The following ITPR1 variants were observed in gnomAD, a reference collection of about 807,000 sequenced individuals.
The protein encoded by ITPR1 is inositol 1,4,5-trisphosphate-gated calcium channel ITPR1.
Under a neutral mutation model 318.4 loss-of-function variants are expected in ITPR1, and 96 were observed. The observed-to-expected ratio is 0.30, with a 90% confidence interval of 0.26 to 0.36. ITPR1 has a LOEUF of 0.36. Ranked by LOEUF, ITPR1 falls within the 10% of genes least tolerant of loss-of-function variation. ITPR1 has a pLI of 1.00. For synonymous variants in ITPR1, 1,312 were observed against 1,289.9 expected (o/e 1.02, Z -0.37); for missense variants, 2,440 against 3,460.2 (o/e 0.71, Z 7.40).
chr3:4,799,308 T>C (rs1158346491), intron 53 of ITPR1, among the ~76,000 whole-genome samples: 1 of 152,262 alleles, frequency 6.6e-6, no homozygotes, highest in Non-Finnish European at 1.5e-5. Flanking sequence ...TGTGCACTTC[T>C]TGAATTTCTG....
chr3:4,621,547 A>G (rs2092634955), intron 4 of ITPR1, among the ~76,000 whole-genome samples: 1 of 152,206 alleles, frequency 6.6e-6, no homozygotes. Context: ...AATCACCAAT[A>G]TGAAAGCTCC....
intron 60 of ITPR1, among the ~76,000 whole-genome samples, chr3:4,828,415 G>A (rs1338024199): frequency 6.6e-6 from 1 of 152,206 alleles, no homozygotes; most frequent in South Asian, 2.1e-4. Context: ...GTGGGGAGAA[G>A]GGTGAGTGAG....
At chr3:4,575,515 C>T (rs569229236) in intron 4 of ITPR1, among the ~76,000 whole-genome samples, 1 of 152,272 alleles carries the variant, frequency 6.6e-6, no homozygotes, top group African/African-American at 2.4e-5. Context: ...ACCTGTCTCA[C>T]TGTTGGCATG....
chr3:4,563,038 T>G (rs1654508307), intron 4 of ITPR1, among the ~76,000 whole-genome samples: 1 of 152,106 alleles, frequency 6.6e-6, no homozygotes. Context: ...CTTACAAGTT[T>G]AGGAAGAGCT....
intron 42 of ITPR1, among the ~76,000 whole-genome samples, chr3:4,728,455 A>AT (rs1194926323): frequency 2.0e-5 from 3 of 152,088 alleles, no homozygotes; most frequent in Non-Finnish European, 2.9e-5. Context: ...TTTTTCTTTT[A>AT]TTTTTGTGGG....
In ITPR1 at chr3:4,685,137, A is replaced by G; in HGVS notation, c.3633A>G (p.Gln1211=). Residue 1211 remains glutamine (Q), a synonymous_variant, in exon 30 of 62, where the codon CAA becomes CAG. Coordinates refer to ENST00000649015, the MANE Select transcript of ITPR1 (RefSeq NM_001378452.1). ...CAGTGAGAAAGAGCAGGAAGCAGCA[A>G]CAGCGTCTGCTCCGGAACATGGGCG... ...SASVRKSRKQ[Q]QRLLRNMGAH... 6.2e-7 allele frequency: 1 copy of G among 1,610,670 alleles called. No individual in the cohort carries two copies. The highest frequency in any genetic ancestry group is 8.5e-7 in the Non-Finnish European group (1 of 1,179,024).
At chr3:4,796,469 G>A (rs535785713) in intron 53 of ITPR1, among the ~76,000 whole-genome samples, 7 of 152,258 alleles carry the variant, frequency 4.6e-5, no homozygotes, top group South Asian at 2.1e-4. Context: ...CTCAGCTGGC[G>A]GCGGCGGAGG....
At chr3:4,611,183 A>G (rs1405382468) in intron 4 of ITPR1, among the ~76,000 whole-genome samples, 2 of 143,752 alleles carry the variant, frequency 1.4e-5, no homozygotes, top group African/African-American at 2.7e-5. Flanking sequence ...TTGCTCAAGC[A>G]CAGGAGGTTG....
chr3:4,790,248 A>G (rs1463588459), intron 52 of ITPR1, among the ~76,000 whole-genome samples: 3 of 152,136 alleles, frequency 2.0e-5, no homozygotes, highest in Non-Finnish European at 4.4e-5. Context: ...TTCTGCCCCC[A>G]ACAGGCTCCA....
Position 4,710,244 on chromosome 3 carries a change from T to G in ITPR1, c.4843-81T>G. The G allele has an allele frequency of 7.4e-7, 1 of 1,348,714 alleles. No homozygotes were observed. The highest frequency in any genetic ancestry group is 2.9e-5 in the Admixed American group (1 of 34,086). The allele number at this position is 1,348,714 out of a possible 1,614,324, so 83.5% of individuals were successfully genotyped here. A position where few individuals can be genotyped will look rare whatever the true frequency, so the allele number is the denominator to read the frequency against. ...CCTAGCCTACCCGTGCATCAGTGTT[T>G]TAGGGCAGAAATCAATGTCCTCACC... On this transcript the variant is annotated intron_variant, in intron 37 of 61. Coordinates refer to ENST00000649015, the MANE Select transcript of ITPR1 (RefSeq NM_001378452.1). The surrounding 1 kb of genome is among the most constrained non-coding windows in gnomAD (Gnocchi z 4.2).
chr3:4,832,400 TTTGA>T (rs1467268569), intron 60 of ITPR1, among the ~76,000 whole-genome samples: 6 of 152,296 alleles, frequency 3.9e-5, no homozygotes, highest in Admixed American at 3.3e-4. Flanking sequence ...TGTTTTAACA[TTTGA>T]TTGAGCACTT....
rs895573386 is a variant in ITPR1, at chr3:4,658,046, C to T, written c.997-78C>T. 4 of 1,371,240 alleles carry T rather than the reference C, an allele frequency of 2.9e-6. No individual in the cohort carries two copies. In the Admixed American group the frequency reaches 7.9e-5, roughly 27 times the overall value. The allele number at this position is 1,371,240 out of a possible 1,614,324, so 84.9% of individuals were successfully genotyped here. A position where few individuals can be genotyped will look rare whatever the true frequency, so the allele number is the denominator to read the frequency against. The stretch of plus-strand genomic sequence containing the variant: ...ATTCACGATCCTTTCTTCTCCGTTC[C>T]TGTGGATTGTGGAATAATTGTAGAA... On this transcript the variant is annotated intron_variant, in intron 12 of 61. Coordinates refer to ENST00000649015, the MANE Select transcript of ITPR1 (RefSeq NM_001378452.1).
chr3:4,691,813 C>T (rs2094483140), intron 32 of ITPR1, among the ~76,000 whole-genome samples: 1 of 152,150 alleles, frequency 6.6e-6, no homozygotes, highest in Non-Finnish European at 1.5e-5. Context: ...CTTTGATTTA[C>T]AATCTTGTCT....
At chr3:4,611,056 TC>T (rs2092079685) in intron 4 of ITPR1, among the ~76,000 whole-genome samples, 1 of 45,296 alleles carries the variant, frequency 2.2e-5, no homozygotes, top group African/African-American at 8.5e-5. Context: ...CCTCCCTCCC[TC>T]CCTTCCTTCC....
At chr3:4,519,194 C>G (rs2082374137) in intron 3 of ITPR1, among the ~76,000 whole-genome samples, 2 of 152,210 alleles carry the variant, frequency 1.3e-5, no homozygotes, top group East Asian at 1.9e-4. Flanking sequence ...GCTCCTCTTA[C>G]CACTTCCTCC....
intron 60 of ITPR1, among the ~76,000 whole-genome samples, chr3:4,820,460 G>A (rs915236923): frequency 1.3e-5 from 2 of 152,092 alleles, no homozygotes; most frequent in African/African-American, 2.4e-5. Flanking sequence ...TGTCTCAATC[G>A]TGGAGACTTA....
intron 60 of ITPR1, among the ~76,000 whole-genome samples, chr3:4,823,471 C>T (rs774915981): frequency 6.6e-6 from 1 of 151,936 alleles, no homozygotes; most frequent in African/African-American, 2.4e-5. Context: ...TACTATTTGG[C>T]CATAAAAAAG....
At chr3:4,688,720 G>T in intron 31 of ITPR1, 100 bp downstream of exon 31, 1 of 1,137,194 alleles carries the variant, frequency 8.8e-7, no homozygotes, top group Non-Finnish European at 1.3e-6. Context: ...TCTGGGGCTT[G>T]TTATAATGCA....
intron 37 of ITPR1, among the ~76,000 whole-genome samples, chr3:4,708,990 A>G (rs3804993): frequency 0.28 from 41,896 of 152,126 alleles, 6,741 homozygotes; most frequent in East Asian, 0.75. Flanking sequence ...TGCAATGTAA[A>G]GTTCAAACTG....
Sources: gnomAD v4.1 joint callset for allele counts (sites outside exome capture counted in the v4.1 genomes callset) on GRCh38, gnomAD v4.1.1 for gene constraint, Gnocchi (gnomAD v3.1) non-coding constraint, MANE v1.5 for transcripts, NCBI Gene and HGNC (gene_info 2026-07-23, HGNC 2026-07-21) for gene names.